The following ARHGAP15 variants were observed in gnomAD, a reference collection of about 807,000 sequenced individuals.
ARHGAP15 encodes Rho GTPase activating protein 15, also known as rho GTPase-activating protein 15.
In ARHGAP15, 51 loss-of-function variants were observed where a neutral mutation model predicts 63.7. The ratio of observed to expected loss-of-function variants is 0.80; its 90% CI spans 0.64 to 1.01. ARHGAP15 has a LOEUF of 1.01. Among genes scored for constraint, ARHGAP15 ranks in the 50% least tolerant of loss-of-function variants. The pLI, the probability that ARHGAP15 is intolerant of heterozygous loss-of-function variation, is 0.00. For synonymous variants in ARHGAP15, 191 were observed against 193.8 expected (o/e 0.99, Z 0.12); for missense variants, 560 against 564.6 (o/e 0.99, Z 0.08).
At chr2:143,221,333 G>A (rs1692990733) in intron 4 of ARHGAP15, among the ~76,000 whole-genome samples, 1 of 152,004 alleles carries the variant, frequency 6.6e-6, no homozygotes, top group African/African-American at 2.4e-5. Flanking sequence ...ATGGTAAAAG[G>A]AAAGATAAAT....
Position 143,413,966 on chromosome 2 carries a change from T to TGTGTGCGCGCGCGCGC in ARHGAP15, c.475-21634_475-21633insTGTGCGCGCGCGCGCG. Among the ~76,000 whole-genome samples, 649 of 117,860 alleles carry TGTGTGCGCGCGCGCGC rather than the reference T, an allele frequency of 5.5e-3. 3 individuals carry two copies. The highest frequency in any genetic ancestry group is 0.016 in the Middle Eastern group (4 of 248). The allele number at this position is 117,860 out of a possible 152,430, so 77.3% of individuals were successfully genotyped here. ...GTGTGTGTGTGTGTGTGTGTGTGTG[T>TGTGTGCGCGCGCGCGC]GCGCGCTCTCTGGCAGAAAGTTAAT... On this transcript the variant is annotated intron_variant, in intron 6 of 13. Transcript: ENST00000295095.
chr2:143,188,134 T>G (rs973371987), intron 2 of ARHGAP15, among the ~76,000 whole-genome samples: 1 of 152,152 alleles, frequency 6.6e-6, no homozygotes, highest in Non-Finnish European at 1.5e-5. Context: ...GTTCTAGGCA[T>G]TATGCACTTT....
chr2:143,614,033 G>A (rs528701604), intron 11 of ARHGAP15, among the ~76,000 whole-genome samples: 6 of 152,244 alleles, frequency 3.9e-5, no homozygotes, highest in African/African-American at 1.4e-4. Flanking sequence ...ACAACTTGTG[G>A]CATCCCAAAT....
At chr2:143,753,299 T>TCTCTTTCAAGA (rs1686451461) in intron 13 of ARHGAP15, among the ~76,000 whole-genome samples, 1 of 152,196 alleles carries the variant, frequency 6.6e-6, no homozygotes, top group Non-Finnish European at 1.5e-5. Context: ...AAAGGAGATC[T>TCTCTTTCAAGA]AAGTGGCCCA....
intron 11 of ARHGAP15, among the ~76,000 whole-genome samples, chr2:143,590,968 A>T (rs1445092835): frequency 6.6e-6 from 1 of 151,826 alleles, no homozygotes; most frequent in Non-Finnish European, 1.5e-5. Flanking sequence ...TTGATTCAGT[A>T]CCTATTGCAG....
chr2:143,608,747 C>A (rs903012056), intron 11 of ARHGAP15: 1 of 152,084 alleles, frequency 6.6e-6, no homozygotes, highest in Non-Finnish European at 1.5e-5. Context: ...AATAAAAACA[C>A]CTGTTTTAAT....
chr2:143,702,793 G>A lies in ARHGAP15; in HGVS notation c.1139-626G>A, dbSNP rs146607623. Among the ~76,000 whole-genome samples, 123 of 152,058 alleles carry A rather than the reference G, an allele frequency of 8.1e-4. No homozygotes were observed. The East Asian group carries it at 0.016, about 20-fold the overall frequency. ...CGCATACCCTCTCTTTTCTGCTCCC[G>A]TTGTCACATGAGAACTCATATCACC... On this transcript the variant is annotated intron_variant, in intron 12 of 13. Coordinates refer to ENST00000295095, the MANE Select transcript of ARHGAP15 (RefSeq NM_018460.4).
At chr2:143,563,048 G>A (rs11902658) in intron 11 of ARHGAP15, among the ~76,000 whole-genome samples, 5,337 of 152,218 alleles carry the variant, frequency 0.035, 321 homozygotes, top group African/African-American at 0.12. Context: ...AAGGCAGAAG[G>A]CATCTAATGG....
At chr2:143,660,571 T>C (rs867812392) in intron 12 of ARHGAP15, among the ~76,000 whole-genome samples, 3 of 152,210 alleles carry the variant, frequency 2.0e-5, no homozygotes, top group Non-Finnish European at 4.4e-5. Flanking sequence ...TAGGAGATCA[T>C]TTCAGGAAAT....
intron 10 of ARHGAP15, among the ~76,000 whole-genome samples, chr2:143,544,493 A>T (rs1044281797): frequency 6.6e-6 from 1 of 152,222 alleles, no homozygotes; most frequent in Non-Finnish European, 1.5e-5. Flanking sequence ...GTATATATGT[A>T]TATGTATATA....
intron 11 of ARHGAP15, among the ~76,000 whole-genome samples, chr2:143,605,903 G>A (rs1359453043): frequency 6.8e-6 from 1 of 146,868 alleles, no homozygotes; most frequent in African/African-American, 2.5e-5. Flanking sequence ...AGGCATAGCG[G>A]CGTTTGCCTG....
intron 9 of ARHGAP15, among the ~76,000 whole-genome samples, chr2:143,506,662 A>G (rs1418194585): frequency 6.6e-6 from 1 of 152,174 alleles, no homozygotes; most frequent in African/African-American, 2.4e-5. Flanking sequence ...TCAATCCACA[A>G]TGTACGTCAA....
chr2:143,222,274 T>C (rs1256913939), intron 4 of ARHGAP15, among the ~76,000 whole-genome samples: 1 of 152,232 alleles, frequency 6.6e-6, no homozygotes, highest in Non-Finnish European at 1.5e-5. Context: ...TAAATTACTT[T>C]CACTCCCATC....
At chr2:143,484,490 C>G (rs556388442) in intron 8 of ARHGAP15, among the ~76,000 whole-genome samples, 1 of 152,146 alleles carries the variant, frequency 6.6e-6, no homozygotes, top group Non-Finnish European at 1.5e-5. Context: ...TGAGATTGTG[C>G]CATTGCAACC....
At chr2:143,578,047 T>G (rs1696740503) in intron 11 of ARHGAP15, among the ~76,000 whole-genome samples, 1 of 152,182 alleles carries the variant, frequency 6.6e-6, no homozygotes, top group African/African-American at 2.4e-5. Context: ...TGCAGAGTTT[T>G]GGGAACTTTT....
At chr2:143,349,471 T>G (rs1194875370) in intron 6 of ARHGAP15, among the ~76,000 whole-genome samples, 2 of 152,172 alleles carry the variant, frequency 1.3e-5, no homozygotes, top group Non-Finnish European at 2.9e-5. Context: ...ATGCAGTCAT[T>G]TAGCTTGTAA....
chr2:143,173,353 T>C (rs911768466), intron 2 of ARHGAP15, among the ~76,000 whole-genome samples: 3 of 152,072 alleles, frequency 2.0e-5, no homozygotes, highest in Non-Finnish European at 4.4e-5. Flanking sequence ...TTTTAGAGAT[T>C]GTTATATATT....
chr2:143,423,702 G>C lies in ARHGAP15; in HGVS notation c.475-11899G>C, dbSNP rs563625055. Among the ~76,000 whole-genome samples, 42 of 152,222 alleles carry C rather than the reference G, an allele frequency of 2.8e-4. No individual in the cohort carries two copies. The South Asian group carries it at 5.6e-3, about 20-fold the overall frequency. On this transcript the variant is annotated intron_variant, in intron 6 of 13. Coordinates refer to ENST00000295095, the MANE Select transcript of ARHGAP15 (RefSeq NM_018460.4). ...TTGCAAAGTCCAGGAGACAATCAAT[G>C]AATCAGTCAATAAGTGAAATCAAAT...
intron 1 of ARHGAP15, among the ~76,000 whole-genome samples, chr2:143,134,092 T>G (rs568238519): frequency 6.6e-6 from 1 of 151,740 alleles, no homozygotes; most frequent in East Asian, 1.9e-4. Context: ...CATGTAATTG[T>G]TTCTATTTGA....
Sources: gnomAD v4.1 joint callset for allele counts (sites outside exome capture counted in the v4.1 genomes callset) on GRCh38, gnomAD v4.1.1 for gene constraint, MANE v1.5 for transcripts, NCBI Gene and HGNC (gene_info 2026-07-23, HGNC 2026-07-21) for gene names.